Variants in SLC2A13 observed in about 807,000 individuals in gnomAD.
The protein encoded by SLC2A13 is proton myo-inositol cotransporter.
Under a neutral mutation model 64.4 loss-of-function variants are expected in SLC2A13, and 32 were observed. The ratio of observed to expected loss-of-function variants is 0.50; its 90% CI spans 0.37 to 0.67. The LOEUF is 0.67. Among genes scored for constraint, SLC2A13 ranks in the 30% least tolerant of loss-of-function variants. The pLI is 0.00. For synonymous variants in SLC2A13, 338 were observed against 327.1 expected (o/e 1.03, Z -0.36); for missense variants, 743 against 829.2 (o/e 0.90, Z 1.28).
chr12:39,945,264 G>A (rs936097404), intron 4 of SLC2A13, among the ~76,000 whole-genome samples: 5 of 152,078 alleles, frequency 3.3e-5, no homozygotes, highest in Admixed American at 2.6e-4. Context: ...AGGTTACCTG[G>A]TGTTTCTGTC....
intron 3 of SLC2A13, among the ~76,000 whole-genome samples, chr12:39,975,861 T>C (rs1946748817): frequency 6.6e-6 from 1 of 152,240 alleles, no homozygotes; most frequent in Admixed American, 6.5e-5. Context: ...TATTTGCTTA[T>C]GAATCTTCAG....
intron 1 of SLC2A13, among the ~76,000 whole-genome samples, chr12:40,074,797 T>C (rs1034150031): frequency 1.3e-5 from 2 of 152,076 alleles, no homozygotes; most frequent in Non-Finnish European, 2.9e-5. Flanking sequence ...AATAAAGTGG[T>C]AAGGTGTAGG....
intron 3 of SLC2A13, among the ~76,000 whole-genome samples, chr12:39,996,925 G>A (rs180849349): frequency 1.3e-5 from 2 of 152,270 alleles, no homozygotes; most frequent in East Asian, 3.9e-4. Flanking sequence ...GCTCATGGAT[G>A]GGTAGAATCA....
intron 4 of SLC2A13, among the ~76,000 whole-genome samples, chr12:39,940,456 G>A (rs1001231154): frequency 1.3e-5 from 2 of 151,794 alleles, no homozygotes; most frequent in Admixed American, 1.3e-4. Context: ...TAGAATATGA[G>A]AATGGAACAG....
At chr12:39,953,146 G>C (rs1946260918) in intron 3 of SLC2A13, among the ~76,000 whole-genome samples, 1 of 152,054 alleles carries the variant, frequency 6.6e-6, no homozygotes, top group Admixed American at 6.6e-5. Flanking sequence ...GGTCAGGCTA[G>C]GTAATAATGA....
At chr12:39,910,061 TC>T (rs1945392631) in intron 4 of SLC2A13, among the ~76,000 whole-genome samples, 1 of 152,070 alleles carries the variant, frequency 6.6e-6, no homozygotes, top group Non-Finnish European at 1.5e-5. Context: ...GTTATTTGAC[TC>T]TCTCAACAGC....
chr12:39,807,127 G>A (rs909055460), intron 7 of SLC2A13, among the ~76,000 whole-genome samples: 5 of 148,630 alleles, frequency 3.4e-5, no homozygotes, highest in African/African-American at 5.2e-5. Flanking sequence ...TACAGTTTTC[G>A]CCACTGAAAG....
rs1944809904 is a variant in SLC2A13, at chr12:39,895,970, GTATATGTATACATACATTCA to G, written c.1035-24029_1035-24010del. ...TGCGTATATGTGTATATATACATGT[GTATATGTATACATACATTCA>G]TATATGTGTATATATACATGTGTAT... is the stretch of plus-strand genomic sequence containing the variant. On this transcript the variant is annotated intron_variant, in intron 4 of 9. Coordinates refer to ENST00000280871, the MANE Select transcript of SLC2A13 (RefSeq NM_052885.4). Among the ~76,000 whole-genome samples, 3 of 134,220 alleles carry G rather than the reference GTATATGTATACATACATTCA, an allele frequency of 2.2e-5. 1 individual carries two copies. Among genetic ancestry groups the G allele is most frequent in the African/African-American group, 8.6e-5 (3 of 35,084 alleles). 88.1% of individuals were successfully genotyped at this position (134,220 alleles called of 152,430 possible). A position where few individuals can be genotyped will look rare whatever the true frequency, so the allele number is the denominator to read the frequency against.
At chr12:39,763,410 T>C (rs1940235424) in intron 9 of SLC2A13, among the ~76,000 whole-genome samples, 1 of 152,232 alleles carries the variant, frequency 6.6e-6, no homozygotes, top group Non-Finnish European at 1.5e-5. Flanking sequence ...TCACCATTCA[T>C]CTGCAAAATT....
chr12:39,808,408 C>T (rs1413228571), intron 7 of SLC2A13, among the ~76,000 whole-genome samples: 1 of 152,082 alleles, frequency 6.6e-6, no homozygotes. Flanking sequence ...CTGCTATAAA[C>T]GACTGTGTAG....
intron 4 of SLC2A13, among the ~76,000 whole-genome samples, chr12:39,928,244 T>C (rs1945761342): frequency 6.6e-6 from 1 of 152,182 alleles, no homozygotes; most frequent in Non-Finnish European, 1.5e-5. Context: ...TAAGTTATGC[T>C]TTGGCCCAAT....
At chr12:39,816,665 A>C (rs1942350665) in intron 7 of SLC2A13, among the ~76,000 whole-genome samples, 1 of 152,020 alleles carries the variant, frequency 6.6e-6, no homozygotes. Context: ...TTAGGGTATA[A>C]AGGAAAATTC....
At chr12:40,060,413 T>C (rs1453766833) in intron 1 of SLC2A13, among the ~76,000 whole-genome samples, 1 of 152,166 alleles carries the variant, frequency 6.6e-6, no homozygotes, top group Non-Finnish European at 1.5e-5. Flanking sequence ...TGTTCAACCT[T>C]AAGCTTGTGT....
intron 3 of SLC2A13, among the ~76,000 whole-genome samples, chr12:40,014,171 G>C (rs1947579682): frequency 6.6e-6 from 1 of 152,048 alleles, no homozygotes; most frequent in Non-Finnish European, 1.5e-5. Flanking sequence ...CCAGAAACAT[G>C]TGTCAAATAA....
chr12:39,836,368 G>A (rs142610480), intron 6 of SLC2A13, among the ~76,000 whole-genome samples: 62 of 152,210 alleles, frequency 4.1e-4, no homozygotes, highest in African/African-American at 1.3e-3. Context: ...TAGCTGCAGA[G>A]AAGAAATATT....
At chr12:39,801,663 C>T (rs1169414770) in intron 7 of SLC2A13, among the ~76,000 whole-genome samples, 2 of 152,156 alleles carry the variant, frequency 1.3e-5, no homozygotes, top group Admixed American at 6.5e-5. Context: ...TTTTCTTTTC[C>T]TAGCTCTGCC....
chr12:39,834,294 G>A (rs1026620498), intron 6 of SLC2A13, among the ~76,000 whole-genome samples: 1 of 151,944 alleles, frequency 6.6e-6, no homozygotes, highest in African/African-American at 2.4e-5. Context: ...GAAGGGACTA[G>A]GCATGAATTT....
chr12:39,902,376 AAAGATATGTACATACACATG>A (rs1945149201), intron 4 of SLC2A13, among the ~76,000 whole-genome samples: 1 of 152,020 alleles, frequency 6.6e-6, no homozygotes, highest in Non-Finnish European at 1.5e-5. Context: ...AGAAGAGTGA[AAAGATATGTACATACACATG>A]AAGAGAACTA....
At chr12:40,054,798 A>T (rs760730128) in intron 1 of SLC2A13, among the ~76,000 whole-genome samples, 1 of 152,342 alleles carries the variant, frequency 6.6e-6, no homozygotes, top group Non-Finnish European at 1.5e-5. Context: ...AAATACCATT[A>T]GAAAATCCTG....
Sources: gnomAD v4.1 joint callset for allele counts (sites outside exome capture counted in the v4.1 genomes callset) on GRCh38, gnomAD v4.1.1 for gene constraint, MANE v1.5 for transcripts, NCBI Gene and HGNC (gene_info 2026-07-23, HGNC 2026-07-21) for gene names.